UBAP2: variants seen among roughly 807,000 people sequenced by gnomAD.
UBAP2 encodes the protein ubiquitin-associated protein 2.
UBAP2 carries 75 observed loss-of-function variants against 139.6 expected under a neutral mutation model. The ratio of observed to expected loss-of-function variants is 0.54; its 90% CI spans 0.45 to 0.65. The LOEUF (loss-of-function observed/expected upper bound fraction) is 0.65. UBAP2 is among the 30% of genes least tolerant of loss of function. The pLI is 0.00. For missense variants in UBAP2, 1,368 were observed against 1,369.6 expected, an observed-to-expected ratio of 1.00 and a Z score of 0.02; for synonymous variants, 526 against 526.2, an observed-to-expected ratio of 1.00 and a Z score of 0.01.
intron 15 of UBAP2, among the ~76,000 whole-genome samples, chr9:33,943,118 A>C (rs907637490): frequency 6.6e-6 from 1 of 152,248 alleles, no homozygotes; most frequent in Non-Finnish European, 1.5e-5. Context: ...GATACATTAA[A>C]CATGGGTGTA....
chr9:33,949,368 C>T (rs903392061), intron 12 of UBAP2, among the ~76,000 whole-genome samples: 1 of 151,954 alleles, frequency 6.6e-6, no homozygotes, highest in Non-Finnish European at 1.5e-5. Flanking sequence ...ACAAGATGTA[C>T]AGTCAAAGAA....
intron 2 of UBAP2, among the ~76,000 whole-genome samples, chr9:34,009,223 C>CA (rs1211746165): frequency 1.3e-5 from 2 of 151,646 alleles, no homozygotes; most frequent in East Asian, 3.9e-4. Context: ...CCTCACCCTT[C>CA]AAGTAGCTGG....
At chr9:34,043,704 C>T (rs1194495233) in intron 1 of UBAP2, among the ~76,000 whole-genome samples, 5 of 151,950 alleles carry the variant, frequency 3.3e-5, no homozygotes, top group African/African-American at 9.7e-5. Flanking sequence ...CTATATTGCC[C>T]ACGCTGGTCT....
At position 33,927,015 on chromosome 9, in the gene UBAP2, G is replaced by A. The variant is rs774744907; in HGVS notation, c.2437C>T (p.Pro813Ser). ...PLLHNQYLVG[P>S]GGLLPAYPIY... ...GGGTAGGCAGGAAGCAGTCCTCCGGGACCTACGAGGTACTGGTTGTGCAGC... is the reference window on the plus strand; with the variant it reads ...GGGTAGGCAGGAAGCAGTCCTCCGGAACCTACGAGGTACTGGTTGTGCAGC... The change falls in exon 21 of 29, where the codon CCC (proline) becomes TCC (serine). Residue 813 changes from proline to serine, a missense_variant. Coordinates refer to ENST00000379238, the MANE Select transcript of UBAP2 (RefSeq NM_001370062.2). The A allele has an allele frequency of 1.2e-6, 2 of 1,614,016 alleles. No individual in the cohort carries two copies. The highest frequency in any genetic ancestry group is 1.3e-5 in the African/African-American group (1 of 74,916).
chr9:34,010,667 T>C (rs1021690306), intron 2 of UBAP2, among the ~76,000 whole-genome samples: 18 of 152,262 alleles, frequency 1.2e-4, no homozygotes, highest in African/African-American at 3.6e-4. Flanking sequence ...ACCATTTTCA[T>C]AATAAAGCAT....
At chr9:33,980,216 A>ATTTTTTTTTTTTT (rs1554686508) in intron 6 of UBAP2, among the ~76,000 whole-genome samples, 1 of 77,306 alleles carries the variant, frequency 1.3e-5, no homozygotes, top group Non-Finnish European at 2.7e-5. Context: ...CCTGAGTGTC[A>ATTTTTTTTTTTTT]TTTCTTTTTT....
intron 2 of UBAP2, among the ~76,000 whole-genome samples, chr9:34,003,433 G>C (rs1260770147): frequency 1.3e-5 from 2 of 149,950 alleles, no homozygotes; most frequent in South Asian, 2.1e-4. Context: ...GTGCAGTGGC[G>C]TGATCGCGAC....
In UBAP2 at chr9:34,010,344, A is replaced by C. The variant is rs376252701; in HGVS notation, c.99+6706T>G. ...GAGGCTGAGGTGGGAAAATCACTTG[A>C]ACCTGGGAGATGGAGGTTGCAGTGA... On this transcript the variant is annotated intron_variant, in intron 2 of 28. Coordinates refer to ENST00000379238, the MANE Select transcript of UBAP2 (RefSeq NM_001370062.2). 4.7e-5 allele frequency among the ~76,000 whole-genome samples: 7 copies of C among 149,208 alleles called. No individual in the cohort carries two copies. The East Asian group carries it at 6.0e-4, about 13-fold the overall frequency.
chr9:33,954,069 G>C (rs1460746764), intron 11 of UBAP2, among the ~76,000 whole-genome samples: 1 of 151,998 alleles, frequency 6.6e-6, no homozygotes, highest in African/African-American at 2.4e-5. Flanking sequence ...ACCATGCCCA[G>C]CTAATTTTTG....
intron 1 of UBAP2, among the ~76,000 whole-genome samples, chr9:34,028,320 C>G (rs2131319534): frequency 6.6e-6 from 1 of 152,148 alleles, no homozygotes; most frequent in Admixed American, 6.6e-5. Context: ...TTGCACACAT[C>G]TGTCCTATTC....
intron 7 of UBAP2, among the ~76,000 whole-genome samples, chr9:33,972,875 G>C (rs1047532872): frequency 1.3e-5 from 2 of 152,116 alleles, no homozygotes; most frequent in African/African-American, 4.8e-5. Context: ...AAGTGCTACT[G>C]ACATTTATTA....
chr9:33,944,031 A>C (rs920386416), intron 14 of UBAP2, among the ~76,000 whole-genome samples: 2 of 152,070 alleles, frequency 1.3e-5, no homozygotes, highest in African/African-American at 4.8e-5. Flanking sequence ...TGACTACTCT[A>C]TTTTTGGGGA....
At chr9:33,989,540 A>T (rs1475452047) in intron 4 of UBAP2, among the ~76,000 whole-genome samples, 1 of 152,178 alleles carries the variant, frequency 6.6e-6, no homozygotes, top group Non-Finnish European at 1.5e-5. Context: ...CACAGCTTGC[A>T]GCTCACCTGC....
chr9:34,023,166 C>A (rs556576582), intron 1 of UBAP2, among the ~76,000 whole-genome samples: 6 of 149,472 alleles, frequency 4.0e-5, no homozygotes, highest in Non-Finnish European at 8.9e-5. Flanking sequence ...GCAGAGGTTG[C>A]AGTGAGCTGA....
chr9:34,002,437 G>A (rs184677099), intron 2 of UBAP2, among the ~76,000 whole-genome samples: 1 of 149,376 alleles, frequency 6.7e-6, no homozygotes, highest in African/African-American at 2.5e-5. Context: ...GGAGTGCATG[G>A]CGCGATATCG....
At chr9:34,026,526 T>G (rs1376582357) in intron 1 of UBAP2, among the ~76,000 whole-genome samples, 1 of 152,140 alleles carries the variant, frequency 6.6e-6, no homozygotes, top group Non-Finnish European at 1.5e-5. Context: ...AGACCAGTGG[T>G]GCAGGGTCTA....
Position 33,943,486 on chromosome 9 carries a change from A to G in UBAP2, c.1649T>C (p.Phe550Ser). ...EFGSEPSLSE[F>S]GSAPSSENSN... The stretch of plus-strand genomic sequence containing the variant: ...ATTTTCACTGCTTGGAGCTGATCCA[A>G]ATTCAGAGAGAGAAGGTTCTGACCC... The change falls in exon 15 of 29, where the codon TTT (phenylalanine) becomes TCT (serine). Residue 550 changes from phenylalanine to serine, a missense_variant. Coordinates refer to ENST00000379238, the MANE Select transcript of UBAP2 (RefSeq NM_001370062.2). 1 of 1,614,218 alleles carries G rather than the reference A, an allele frequency of 6.2e-7. No homozygotes were observed. The highest frequency in any genetic ancestry group is 8.5e-7 in the Non-Finnish European group (1 of 1,180,034).
intron 2 of UBAP2, among the ~76,000 whole-genome samples, chr9:34,002,668 C>T (rs1190620254): frequency 1.3e-5 from 2 of 151,652 alleles, no homozygotes; most frequent in African/African-American, 4.8e-5. Flanking sequence ...GAGCCACCCG[C>T]CCAGCCTTAA....
At chr9:33,923,556 A>C (rs1396022747) in intron 24 of UBAP2, 78 bp from the exon 25 acceptor site, 37 of 1,418,864 alleles carry the variant, frequency 2.6e-5, no homozygotes, top group Non-Finnish European at 3.3e-5. Context: ...CCAGAGCCTA[A>C]GGCAGCAGGT....
Sources: allele counts gnomAD v4.1 joint callset (sites outside exome capture counted in the v4.1 genomes callset), GRCh38; gene constraint gnomAD v4.1.1; transcripts MANE v1.5; gene names NCBI Gene and HGNC (gene_info 2026-07-23, HGNC 2026-07-21).